The following ANO10 variants were observed in gnomAD, a reference collection of about 807,000 sequenced individuals.
ANO10 encodes the protein anoctamin-10.
In ANO10, 77 loss-of-function variants were observed where a neutral mutation model predicts 74.7. That is an observed-to-expected ratio of 1.03 (90% CI 0.86 to 1.25). The LOEUF (loss-of-function observed/expected upper bound fraction) is 1.25, where lower values mean the gene tolerates loss of function less well. ANO10 is among the 50% of genes most tolerant of loss of function. ANO10 has a pLI of 0.00. For missense variants in ANO10, 721 were observed against 778.1 expected, an observed-to-expected ratio of 0.93 and a Z score of 0.87; for synonymous variants, 279 against 284.9, an observed-to-expected ratio of 0.98 and a Z score of 0.21.
chr3:43,473,588 G>A (rs138703035), intron 11 of ANO10, among the ~76,000 whole-genome samples: 8 of 152,230 alleles, frequency 5.3e-5, no homozygotes, highest in East Asian at 1.9e-4. Flanking sequence ...AATCCCATTC[G>A]CTCTTCTACC....
chr3:43,460,403 A>G (rs2075325765), intron 11 of ANO10, among the ~76,000 whole-genome samples: 1 of 152,232 alleles, frequency 6.6e-6, no homozygotes, highest in Non-Finnish European at 1.5e-5. Flanking sequence ...ATGCACACAC[A>G]AAATAGATCT....
chr3:43,390,582 C>A (rs988500836), intron 12 of ANO10, among the ~76,000 whole-genome samples: 6 of 152,202 alleles, frequency 3.9e-5, no homozygotes, highest in African/African-American at 1.4e-4. Context: ...TGGGCTGCAC[C>A]CCATGAGCAG....
intron 11 of ANO10, among the ~76,000 whole-genome samples, chr3:43,453,763 T>C (rs1230071036): frequency 6.6e-6 from 1 of 152,224 alleles, no homozygotes; most frequent in Non-Finnish European, 1.5e-5. Context: ...GAACACTATA[T>C]GTGAGAGTTT....
At chr3:43,686,293 C>T (rs923950667) in intron 1 of ANO10, among the ~76,000 whole-genome samples, 1 of 151,314 alleles carries the variant, frequency 6.6e-6, no homozygotes, top group Non-Finnish European at 1.5e-5. Flanking sequence ...AACTTTTATT[C>T]TTTTTTTTTG....
intron 1 of ANO10, among the ~76,000 whole-genome samples, chr3:43,679,828 A>G (rs992520515): frequency 3.3e-5 from 5 of 152,206 alleles, no homozygotes; most frequent in African/African-American, 1.2e-4. Context: ...CCAGGCAAAC[A>G]GGGTCTGGAG....
chr3:43,516,453 G>A (rs1441373256), intron 11 of ANO10, among the ~76,000 whole-genome samples: 1 of 152,148 alleles, frequency 6.6e-6, no homozygotes, highest in African/African-American at 2.4e-5. Flanking sequence ...GGGAGACTAG[G>A]GACGAAAGAC....
At chr3:43,467,590 G>A (rs1324303222) in intron 11 of ANO10, among the ~76,000 whole-genome samples, 4 of 152,352 alleles carry the variant, frequency 2.6e-5, no homozygotes, top group Middle Eastern at 3.4e-3. Flanking sequence ...GTGCTGGGGA[G>A]TAGAAGGGAC....
At chr3:43,562,323 G>C (rs368525117) in intron 8 of ANO10, among the ~76,000 whole-genome samples, 2 of 151,738 alleles carry the variant, frequency 1.3e-5, no homozygotes, top group Admixed American at 1.3e-4. Context: ...ATGGTGGCAC[G>C]TGCCTGTAGT....
chr3:43,383,954 A>C (rs2092044525), intron 12 of ANO10, among the ~76,000 whole-genome samples: 1 of 152,230 alleles, frequency 6.6e-6, no homozygotes, highest in African/African-American at 2.4e-5. Context: ...AAGGGCATCC[A>C]AATCGGTAAA....
chr3:43,660,236 T>G (rs556112612), intron 1 of ANO10, among the ~76,000 whole-genome samples: 1 of 152,204 alleles, frequency 6.6e-6, no homozygotes, highest in South Asian at 2.1e-4. Flanking sequence ...CAAAACTGGA[T>G]GGAGAATGAG....
intron 12 of ANO10, among the ~76,000 whole-genome samples, chr3:43,399,305 C>T (rs554096891): frequency 6.6e-6 from 1 of 152,250 alleles, no homozygotes; most frequent in East Asian, 1.9e-4. Context: ...TTGCCAATAA[C>T]GCCTTTTTGT....
At chr3:43,473,845 T>C (rs2075961268) in intron 11 of ANO10, among the ~76,000 whole-genome samples, 1 of 152,126 alleles carries the variant, frequency 6.6e-6, no homozygotes, top group South Asian at 2.1e-4. Flanking sequence ...TGGGGAAGGC[T>C]ATACAAAGAA....
At chr3:43,595,070 G>C (rs776842628) in intron 4 of ANO10, among the ~76,000 whole-genome samples, 1 of 151,842 alleles carries the variant, frequency 6.6e-6, no homozygotes, top group Non-Finnish European at 1.5e-5. Flanking sequence ...CAGGAAGAAG[G>C]TGAATCCCTG....
intron 12 of ANO10, among the ~76,000 whole-genome samples, chr3:43,373,048 C>A (rs1183951134): frequency 6.6e-6 from 1 of 152,148 alleles, no homozygotes; most frequent in Non-Finnish European, 1.5e-5. Context: ...AGAAAACACA[C>A]CAGTAGGATG....
chr3:43,688,531 G>C (rs2084304690), intron 1 of ANO10, among the ~76,000 whole-genome samples: 1 of 152,148 alleles, frequency 6.6e-6, no homozygotes, highest in African/African-American at 2.4e-5. Flanking sequence ...GCATGTGACA[G>C]GCTGTTCTTA....
At chr3:43,618,479 T>C (rs1211540683) in intron 1 of ANO10, among the ~76,000 whole-genome samples, 1 of 152,190 alleles carries the variant, frequency 6.6e-6, no homozygotes, top group African/African-American at 2.4e-5. Context: ...GTCAGAAATA[T>C]ACTGTGGCAT....
intron 1 of ANO10, among the ~76,000 whole-genome samples, chr3:43,652,534 T>A (rs1216524995): frequency 1.3e-5 from 2 of 152,172 alleles, no homozygotes; most frequent in Non-Finnish European, 2.9e-5. Context: ...TTAAATATAA[T>A]CATTTTAGGG....
At chr3:43,681,974 G>T (rs1381460448) in intron 1 of ANO10, among the ~76,000 whole-genome samples, 2 of 152,168 alleles carry the variant, frequency 1.3e-5, no homozygotes, top group African/African-American at 2.4e-5. Flanking sequence ...ACAAGAGAAA[G>T]CAGGAAAGAT....
chr3:43,432,537 G>T, intron 12 of ANO10, 74 bp downstream of exon 12: 2 of 1,280,262 alleles, frequency 1.6e-6, no homozygotes, highest in South Asian at 2.4e-5. Context: ...AAAATGCTGA[G>T]ACTGATTCTT....
Sources: gnomAD v4.1 joint callset for allele counts (sites outside exome capture counted in the v4.1 genomes callset) on GRCh38, gnomAD v4.1.1 for gene constraint, MANE v1.5 for transcripts, NCBI Gene and HGNC (gene_info 2026-07-23, HGNC 2026-07-21) for gene names.